Variants in LRP1B observed in about 807,000 individuals in gnomAD.
LRP1B encodes the protein low-density lipoprotein receptor-related protein 1B.
Under a neutral mutation model 556.6 loss-of-function variants are expected in LRP1B, and 217 were observed. That is an observed-to-expected ratio of 0.39 (90% confidence interval 0.35 to 0.44). The LOEUF is 0.44. Ranked by LOEUF, LRP1B falls within the 20% of genes least tolerant of loss-of-function variation. The pLI, the probability that LRP1B is intolerant of heterozygous loss-of-function variation, is 1.00. For missense variants in LRP1B, 5,053 were observed against 5,620.8 expected (o/e 0.90, Z 3.23); for synonymous variants, 2,047 against 1,865.8 (o/e 1.10, Z -2.50).
chr2:141,475,930 C>T (rs1274838473), intron 3 of LRP1B, among the ~76,000 whole-genome samples: 1 of 152,196 alleles, frequency 6.6e-6, no homozygotes, highest in Non-Finnish European at 1.5e-5. Context: ...TGACCTGATT[C>T]TTCCTGGACA....
intron 3 of LRP1B, among the ~76,000 whole-genome samples, chr2:141,449,827 T>C (rs1196582599): frequency 3.9e-5 from 6 of 152,220 alleles, no homozygotes; most frequent in Non-Finnish European, 7.3e-5. Flanking sequence ...TTCTCAAATC[T>C]ACTACTGATA....
chr2:140,557,287 T>G (rs1488978541), intron 43 of LRP1B, among the ~76,000 whole-genome samples: 1 of 152,168 alleles, frequency 6.6e-6, no homozygotes, highest in East Asian at 1.9e-4. Flanking sequence ...TGCAAAAAAT[T>G]TTGGATTATC....
At chr2:141,009,970 G>A (rs933669010) in intron 14 of LRP1B, among the ~76,000 whole-genome samples, 8 of 152,102 alleles carry the variant, frequency 5.3e-5, no homozygotes, top group Admixed American at 2.0e-4. Context: ...CAATGGCTAT[G>A]TCTGTCTGAT....
intron 7 of LRP1B, among the ~76,000 whole-genome samples, chr2:141,176,137 T>G (rs1160489020): frequency 6.6e-6 from 1 of 152,146 alleles, no homozygotes; most frequent in Non-Finnish European, 1.5e-5. Flanking sequence ...GGACTTTCCT[T>G]GTCTCAGATA....
At chr2:142,091,823 A>C (rs530532628) in intron 1 of LRP1B, among the ~76,000 whole-genome samples, 142 of 152,308 alleles carry the variant, frequency 9.3e-4, no homozygotes, top group Middle Eastern at 3.4e-3. Context: ...GCTACGGATG[A>C]GCATGTGACC....
chr2:141,319,430 A>G (rs1030437676), intron 3 of LRP1B, among the ~76,000 whole-genome samples: 1 of 151,354 alleles, frequency 6.6e-6, no homozygotes, highest in Non-Finnish European at 1.5e-5. Context: ...ATATTTTGAG[A>G]CAATTTTTTT....
At chr2:140,273,009 G>A (rs1245653653) in intron 85 of LRP1B, among the ~76,000 whole-genome samples, 1 of 151,896 alleles carries the variant, frequency 6.6e-6, no homozygotes, top group Non-Finnish European at 1.5e-5. Context: ...TGTATAGCAA[G>A]CGATACTGAG....
At chr2:140,924,941 A>G (rs1376409349) in intron 20 of LRP1B, among the ~76,000 whole-genome samples, 1 of 152,116 alleles carries the variant, frequency 6.6e-6, no homozygotes, top group Non-Finnish European at 1.5e-5. Context: ...AATATATTCA[A>G]TGATTCAAAC....
intron 7 of LRP1B, among the ~76,000 whole-genome samples, chr2:141,148,758 C>T (rs995304827): frequency 6.6e-6 from 1 of 152,064 alleles, no homozygotes; most frequent in Non-Finnish European, 1.5e-5. Flanking sequence ...AGTTCCAAAG[C>T]AGAGAAGAAA....
intron 2 of LRP1B, among the ~76,000 whole-genome samples, chr2:141,688,246 C>A (rs1574243628): frequency 1.3e-5 from 2 of 151,586 alleles, no homozygotes; most frequent in African/African-American, 4.8e-5. Context: ...ATGTATATTA[C>A]ACAGACATAG....
intron 43 of LRP1B, among the ~76,000 whole-genome samples, chr2:140,597,353 G>A (rs1682483485): frequency 6.6e-6 from 1 of 152,102 alleles, no homozygotes. Context: ...GGGTGGGGAA[G>A]TGCAAAATAG....
At chr2:141,136,532 T>C (rs766151325) in intron 7 of LRP1B, among the ~76,000 whole-genome samples, 1 of 151,152 alleles carries the variant, frequency 6.6e-6, no homozygotes, top group African/African-American at 2.4e-5. Flanking sequence ...CCTGCTTTAA[T>C]ATCTATCTAG....
Position 141,129,950 on chromosome 2 carries a change from C to A in LRP1B, c.1013+58471G>T, listed in dbSNP as rs1002503699. Among the ~76,000 whole-genome samples the A allele has an allele frequency of 6.7e-5, 10 of 149,934 alleles. No individual in the cohort carries two copies. In the East Asian group the frequency reaches 1.7e-3, roughly 26 times the overall value. ...TTTTTGGAAAAGAAGACAAAGTTAT[C>A]ATGGACTAGACGTAATAATTTTAAT... is the stretch of plus-strand genomic sequence containing the variant. On this transcript the variant is annotated intron_variant, in intron 7 of 90. Coordinates refer to ENST00000389484, the MANE Select transcript of LRP1B (RefSeq NM_018557.3).
chr2:141,185,692 A>AT, intron 7 of LRP1B, among the ~76,000 whole-genome samples: 1 of 147,286 alleles, frequency 6.8e-6, no homozygotes, highest in East Asian at 2.0e-4. Flanking sequence ...ACAAACAAAA[A>AT]AAAACAAAAA....
intron 1 of LRP1B, among the ~76,000 whole-genome samples, chr2:141,829,768 T>G (rs879298396): frequency 4.6e-5 from 7 of 152,026 alleles, no homozygotes; most frequent in Non-Finnish European, 1.0e-4. Flanking sequence ...TTTACTTAGC[T>G]GAAACTATCT....
At chr2:141,399,774 G>A (rs1438703433) in intron 3 of LRP1B, among the ~76,000 whole-genome samples, 1 of 152,140 alleles carries the variant, frequency 6.6e-6, no homozygotes, top group Non-Finnish European at 1.5e-5. Flanking sequence ...TATCAGTTTG[G>A]CGAGATAGAA....
At chr2:140,477,496 G>A (rs889777637) in intron 59 of LRP1B, among the ~76,000 whole-genome samples, 1 of 151,996 alleles carries the variant, frequency 6.6e-6, no homozygotes, top group Non-Finnish European at 1.5e-5. Context: ...AATTGTACTT[G>A]CAATTTAAAT....
intron 2 of LRP1B, among the ~76,000 whole-genome samples, chr2:141,609,624 TA>T (rs1688035073): frequency 6.6e-6 from 1 of 152,228 alleles, no homozygotes; most frequent in African/African-American, 2.4e-5. Context: ...TCACAATTCA[TA>T]AAAATTTAAC....
At chr2:141,743,872 T>A (rs1250433132) in intron 2 of LRP1B, among the ~76,000 whole-genome samples, 4 of 152,052 alleles carry the variant, frequency 2.6e-5, no homozygotes, top group Non-Finnish European at 5.9e-5. Flanking sequence ...TCTTTTAATT[T>A]ATTTATTTAG....
Sources: allele counts gnomAD v4.1 joint callset (sites outside exome capture counted in the v4.1 genomes callset), GRCh38; gene constraint gnomAD v4.1.1; transcripts MANE v1.5; gene names NCBI Gene and HGNC (gene_info 2026-07-23, HGNC 2026-07-21).